The following PRKDC variants were observed in gnomAD, a reference collection of about 807,000 sequenced individuals.
The protein encoded by PRKDC is DNA-dependent protein kinase catalytic subunit.
PRKDC carries 82 observed loss-of-function variants against 486.9 expected under a neutral mutation model. The observed-to-expected ratio is 0.17, with a 90% confidence interval of 0.14 to 0.20. PRKDC has a LOEUF of 0.20. PRKDC is among the 10% of genes least tolerant of loss of function. The pLI, the probability that PRKDC is intolerant of heterozygous loss-of-function variation, is 1.00. For missense variants in PRKDC, 4,504 were observed against 5,038.2 expected, an observed-to-expected ratio of 0.89 and a Z score of 3.21; for synonymous variants, 1,895 against 1,837.0, an observed-to-expected ratio of 1.03 and a Z score of -0.81.
Position 47,798,392 on chromosome 8 carries a change from C to A in PRKDC, c.10303G>T (p.Asp3435Tyr). Residue 3435 changes from aspartate to tyrosine, a missense_variant, in exon 73 of 86, where the codon GAT becomes TAT. Coordinates refer to ENST00000314191, the MANE Select transcript of PRKDC (RefSeq NM_006904.7). ...RKEEENASVI[D>Y]SAELQAYPAL... ...GGATACGCCTGCAGTTCTGCAGAATCAATAACTATCAAGGACACCAAAGAA... is the reference window on the plus strand; with the variant it reads ...GGATACGCCTGCAGTTCTGCAGAATAAATAACTATCAAGGACACCAAAGAA... 1 of 1,595,120 alleles carries A rather than the reference C, an allele frequency of 6.3e-7. No individual in the cohort carries two copies. Among genetic ancestry groups the A allele is most frequent in the African/African-American group, 1.3e-5 (1 of 74,238 alleles).
At chr8:47,779,138 A>G in intron 80 of PRKDC, 45 bp from the exon 81 acceptor site, 1 of 1,387,000 alleles carries the variant, frequency 7.2e-7, no homozygotes, top group South Asian at 1.3e-5. Flanking sequence ...AGATTTTAGC[A>G]TTATGTGATT....
At chr8:47,929,274 C>T in intron 18 of PRKDC, 96 bp from the exon 19 acceptor site, 1 of 827,198 alleles carries the variant, frequency 1.2e-6, no homozygotes, top group Non-Finnish European at 2.0e-6. Context: ...GGGGTGAATC[C>T]ATTTCAAGTT....
At chr8:47,952,517 A>G (rs1025565704) in intron 7 of PRKDC, among the ~76,000 whole-genome samples, 1 of 152,176 alleles carries the variant, frequency 6.6e-6, no homozygotes, top group South Asian at 2.1e-4. Flanking sequence ...GTGCTAATCA[A>G]TCTGTTCAAT....
chr8:47,780,707 A>G (rs115436401), intron 80 of PRKDC, among the ~76,000 whole-genome samples: 48 of 152,308 alleles, frequency 3.2e-4, no homozygotes, highest in African/African-American at 1.1e-3. Flanking sequence ...TAGGAGGCCA[A>G]TGGGGGCGGA....
At chr8:47,933,207 T>C in intron 15 of PRKDC, 35 bp from the exon 16 acceptor site, 1 of 1,426,640 alleles carries the variant, frequency 7.0e-7, no homozygotes, top group African/African-American at 1.5e-5. Flanking sequence ...CTTCAAAATC[T>C]TGTGCAAAAA....
At position 47,831,802 on chromosome 8, in the gene PRKDC, C is replaced by A; in HGVS notation, c.8265+12G>T. The stretch of plus-strand genomic sequence containing the variant: ...TGCATCGTTCTGATCAAATTCTTGA[C>A]AAGATACAAACCTTCTCTCGTTTTT... On this transcript the variant is annotated intron_variant, in intron 60 of 85. Coordinates refer to ENST00000314191, the MANE Select transcript of PRKDC (RefSeq NM_006904.7). The A allele has an allele frequency of 1.9e-6, 3 of 1,612,234 alleles. No homozygotes were observed. In the Middle Eastern group the frequency reaches 5.0e-4, roughly 266 times the overall value.
chr8:47,817,408 C>CA, intron 68 of PRKDC, 42 bp downstream of exon 68: 2 of 1,380,712 alleles, frequency 1.4e-6, no homozygotes, highest in Non-Finnish European at 2.0e-6. Flanking sequence ...CCAACAATTT[C>CA]AAAAAACAAT....
At chr8:47,900,322 G>A in intron 28 of PRKDC, 51 bp downstream of exon 28, 3 of 1,348,020 alleles carry the variant, frequency 2.2e-6, no homozygotes, top group Admixed American at 2.7e-5. Context: ...CTCCTCATTG[G>A]GGAAACTCTT....
chr8:47,885,436 A>C (rs972067734), intron 36 of PRKDC, among the ~76,000 whole-genome samples: 3 of 151,652 alleles, frequency 2.0e-5, no homozygotes, highest in African/African-American at 7.3e-5. Context: ...TACAGGCATG[A>C]GCCACCATGC....
intron 64 of PRKDC, 32 bp from the exon 65 acceptor site, chr8:47,821,824 C>A (rs1371434828): frequency 1.3e-6 from 2 of 1,493,484 alleles, no homozygotes; most frequent in Admixed American, 2.9e-5. Flanking sequence ...AATTATTTTA[C>A]AAAGTTGGAA....
chr8:47,800,458 T>C (rs1346975208), intron 71 of PRKDC, among the ~76,000 whole-genome samples: 1 of 73,410 alleles, frequency 1.4e-5, no homozygotes, highest in Non-Finnish European at 2.7e-5. Context: ...GGGACTGTTG[T>C]GGGGTGGGGG....
chr8:47,950,404 T>C (rs1296611871), intron 7 of PRKDC, among the ~76,000 whole-genome samples: 2 of 151,806 alleles, frequency 1.3e-5, no homozygotes, highest in Non-Finnish European at 2.9e-5. Flanking sequence ...GCCGGGCAGA[T>C]CACGAGGTGA....
At chr8:47,853,949 G>A in intron 51 of PRKDC, 134 bp downstream of exon 51, 2 of 1,168,902 alleles carry the variant, frequency 1.7e-6, no homozygotes, top group Non-Finnish European at 2.4e-6. Context: ...TTACAGGCAT[G>A]AGCCACCGTG....
intron 15 of PRKDC, 57 bp downstream of exon 15, chr8:47,933,908 T>C (rs2090301498): frequency 1.3e-5 from 20 of 1,517,902 alleles, no homozygotes; most frequent in Non-Finnish European, 1.8e-5. Flanking sequence ...ATGTCTAAAC[T>C]ATGGAGACTA....
At chr8:47,795,317 G>A (rs2086961313) in intron 73 of PRKDC, among the ~76,000 whole-genome samples, 1 of 149,734 alleles carries the variant, frequency 6.7e-6, no homozygotes, top group Non-Finnish European at 1.5e-5. Context: ...AGCCTCCCGA[G>A]TAGCTGGGAC....
Position 47,803,489 on chromosome 8 carries a change from A to G in PRKDC, c.9748-9T>C. 6.2e-7 allele frequency: 1 copy of G among 1,613,446 alleles called. No individual in the cohort carries two copies. Among genetic ancestry groups the G allele is most frequent in the Non-Finnish European group, 8.5e-7 (1 of 1,179,414 alleles). Reference sequence around the variant, plus strand: ...GCAAGTGAGAAATTGTTCTGTATGAATACAATAAAAAGAGAGAAGGTGGTA... The same window carrying G: ...GCAAGTGAGAAATTGTTCTGTATGAGTACAATAAAAAGAGAGAAGGTGGTA... On this transcript the variant is annotated splice_polypyrimidine_tract_variant and intron_variant, in intron 69 of 85. Transcript: ENST00000314191.
Position 47,937,216 on chromosome 8 carries a change from G to A in PRKDC, c.1114-699C>T, listed in dbSNP as rs367770141. 1.2e-4 allele frequency among the ~76,000 whole-genome samples: 18 copies of A among 152,112 alleles called. No homozygotes were observed. In the South Asian group the frequency reaches 2.3e-3, roughly 19 times the overall value. On this transcript the variant is annotated intron_variant, in intron 11 of 85. Coordinates refer to ENST00000314191, the MANE Select transcript of PRKDC (RefSeq NM_006904.7). ...GCGGAGGTTGCGGTGAGCTGAGATCGCGCCACTGCACTCCAGCCTGGGCAA... is the reference window on the plus strand; with the variant it reads ...GCGGAGGTTGCGGTGAGCTGAGATCACGCCACTGCACTCCAGCCTGGGCAA...
rs550306617 is a variant in PRKDC at position 47,778,773 on chromosome 8, G to A, written c.11606C>T (p.Thr3869Met). 7.1e-5 allele frequency: 115 copies of A among 1,613,698 alleles called. 1 individual carries two copies. The South Asian group carries it at 8.8e-4, about 12-fold the overall frequency. Reference sequence around the variant, plus strand: ...TTTACTTTCTCGTTTTCTAAAAGACGTGACTGTTTCAGTACGATTAGCGCC... The same window carrying A: ...TTTACTTTCTCGTTTTCTAAAAGACATGACTGTTTCAGTACGATTAGCGCC... The part of the protein sequence containing the change: ...YKGANRTETV[T>M]SFRKRESKVP... Residue 3869 changes from threonine to methionine, a missense_variant, in exon 82 of 86, where the codon ACG becomes ATG. By Grantham distance (81) the Thr-to-Met change is moderately conservative (BLOSUM62 -1). Transcript: ENST00000314191.
intron 68 of PRKDC, among the ~76,000 whole-genome samples, chr8:47,814,153 GTGTT>G (rs1488316030): frequency 2.0e-5 from 3 of 152,144 alleles, no homozygotes; most frequent in Non-Finnish European, 2.9e-5. Flanking sequence ...TGCAGAAAAA[GTGTT>G]TGATAAAATT....
Sources: allele counts gnomAD v4.1 joint callset (sites outside exome capture counted in the v4.1 genomes callset), GRCh38; gene constraint gnomAD v4.1.1; transcripts MANE v1.5; gene names NCBI Gene and HGNC (gene_info 2026-07-23, HGNC 2026-07-21).